The following PRKAR1A variants were observed in gnomAD, a reference collection of about 807,000 sequenced individuals.
The protein encoded by PRKAR1A is protein kinase cAMP-dependent type I regulatory subunit alpha, also known as cAMP-dependent protein kinase type I-alpha regulatory subunit.
A neutral mutation model predicts 52.0 loss-of-function variants in PRKAR1A; 3 were observed. The ratio of observed to expected loss-of-function variants is 0.06; its 90% CI spans 0.03 to 0.15. The LOEUF (loss-of-function observed/expected upper bound fraction) is 0.15. PRKAR1A is among the 10% of genes least tolerant of loss of function. The pLI is 1.00. For missense variants in PRKAR1A, 240 were observed against 477.4 expected, an observed-to-expected ratio of 0.50 and a Z score of 4.63; for synonymous variants, 188 against 168.4, an observed-to-expected ratio of 1.12 and a Z score of -0.90.
chr17:68,493,541 G>C, the PRKAR1A span: 2 of 151,762 alleles, frequency 1.3e-5, no homozygotes, highest in African/African-American at 4.8e-5. Flanking sequence ...TTCCCACTTT[G>C]TCTCCTTGCC....
chr17:68,515,032 C>T (rs2085385374), intron 1 of PRKAR1A: 1 of 312,106 alleles, frequency 3.2e-6, no homozygotes, highest in Non-Finnish European at 6.2e-6. Context: ...TACCGTTTAC[C>T]TACTTCCCAC....
At position 68,531,488 on chromosome 17, in the gene PRKAR1A, G is replaced by A; in HGVS notation, c.*1039G>A. The A allele has an allele frequency of 9.4e-7, 1 of 1,066,346 alleles. No individual in the cohort carries two copies. The highest frequency in any genetic ancestry group is 1.1e-6 in the Non-Finnish European group (1 of 879,638). The allele number at this position is 1,066,346 out of a possible 1,614,324, so 66.1% of individuals were successfully genotyped here. On this transcript the variant is annotated 3_prime_UTR_variant, in exon 11 of 11. Transcript: ENST00000589228. ...AGAAATGCCAGGCGGACAAAGTTCA[G>A]TGTCGGGAATTTTCCCCGTGACATT...
Position 68,530,734 on chromosome 17 carries a change from T to TAAA in PRKAR1A, c.*285_*286insAAA. ...CCCTGGGCAGTGAGTGCCATGCTTT[T>TAAA]TGGTGAGGGCAGATCCCAGCACCTA... On this transcript the variant is annotated 3_prime_UTR_variant, in exon 11 of 11. Transcript: ENST00000589228. 7.4e-7 allele frequency: 1 copy of TAAA among 1,348,586 alleles called. No individual in the cohort carries two copies. Among genetic ancestry groups the TAAA allele is most frequent in the African/African-American group, 1.5e-5 (1 of 68,566 alleles). The allele number at this position is 1,348,586 out of a possible 1,614,324, so 83.5% of individuals were successfully genotyped here.
chr17:68,540,496 T>C, intron 11 of PRKAR1A: 1 of 474,316 alleles, frequency 2.1e-6, no homozygotes, highest in South Asian at 1.5e-5. Flanking sequence ...GTCCGTGGCC[T>C]CGCCTGAGGC....
the PRKAR1A span, among the ~76,000 whole-genome samples, chr17:68,462,316 T>C: frequency 1.3e-5 from 2 of 152,246 alleles, no homozygotes; most frequent in South Asian, 4.1e-4. Flanking sequence ...CTTTTGCTAA[T>C]GTCCTTGGAG....
chr17:68,532,058 A>C lies in PRKAR1A; in HGVS notation c.*1609A>C, dbSNP rs2085989963. 9.4e-7 allele frequency: 1 copy of C among 1,065,296 alleles called. No individual in the cohort carries two copies. The highest frequency in any genetic ancestry group is 5.3e-5 in the Admixed American group (1 of 18,726). 66.0% of individuals were successfully genotyped at this position (1,065,296 alleles called of 1,614,324 possible). On this transcript the variant is annotated 3_prime_UTR_variant, in exon 11 of 11. Coordinates refer to ENST00000589228, the MANE Select transcript of PRKAR1A (RefSeq NM_002734.5). ...AACTTTTAGGTTGTTACCAAGTATG[A>C]AGTATAAATCTGGGGAAGAGGTTTT... is the stretch of plus-strand genomic sequence containing the variant.
At chr17:68,468,150 G>A in the PRKAR1A span, among the ~76,000 whole-genome samples, 10 of 152,102 alleles carry the variant, frequency 6.6e-5, 1 homozygote, top group East Asian at 1.9e-3. Context: ...TGGAGAGTGG[G>A]GCCAATCATG....
chr17:68,535,026 G>C, downstream of PRKAR1A: 1 of 322,648 alleles, frequency 3.1e-6, no homozygotes, highest in South Asian at 2.6e-5. Context: ...CTTTTGAGAA[G>C]GCTAAAACGA....
At chr17:68,438,115 G>T in the PRKAR1A span, among the ~76,000 whole-genome samples, 1 of 152,214 alleles carries the variant, frequency 6.6e-6, no homozygotes, top group South Asian at 2.1e-4. Flanking sequence ...AACATTTAGA[G>T]TTGGAACCTA....
the PRKAR1A span, among the ~76,000 whole-genome samples, chr17:68,455,145 T>TTCCA: frequency 6.6e-6 from 1 of 152,032 alleles, no homozygotes; most frequent in Non-Finnish European, 1.5e-5. Context: ...GTGGATCACT[T>TTCCA]GAGGTCAGGA....
the PRKAR1A span, among the ~76,000 whole-genome samples, chr17:68,504,618 T>C: frequency 6.6e-6 from 1 of 152,196 alleles, no homozygotes; most frequent in Non-Finnish European, 1.5e-5. Context: ...CTCACTTATT[T>C]GTGGGAGCTA....
Position 68,523,660 on chromosome 17 carries a change from C to T in PRKAR1A, c.349-65C>T, listed in dbSNP as rs990488093. 12 of 1,243,530 alleles carry T rather than the reference C, an allele frequency of 9.6e-6. No homozygotes were observed. In the Admixed American group the frequency reaches 1.7e-4, roughly 17 times the overall value. 77.0% of individuals were successfully genotyped at this position (1,243,530 alleles called of 1,614,324 possible). On this transcript the variant is annotated intron_variant, in intron 3 of 10. Transcript: ENST00000589228. ...TGTGGCTTGACATTTAATTGAAGCG[C>T]AGGTTGCAAACGTGAAATGTTTTTG...
chr17:68,486,371 ATTCTTTCTTTCTTTCTCT>A, the PRKAR1A span, among the ~76,000 whole-genome samples: 1 of 124,010 alleles, frequency 8.1e-6, no homozygotes, highest in South Asian at 2.5e-4. Flanking sequence ...TCTTCCTCTT[ATTCTTTCTTTCTTTCTCT>A]TTCTTTCTTT....
chr17:68,473,703 A>G, the PRKAR1A span, among the ~76,000 whole-genome samples: 36 of 152,002 alleles, frequency 2.4e-4, no homozygotes, highest in Non-Finnish European at 5.1e-4. Context: ...TTGTACTTTT[A>G]CTAGAGACGG....
At chr17:68,416,080 GTTTT>G in the PRKAR1A span, among the ~76,000 whole-genome samples, 2 of 151,922 alleles carry the variant, frequency 1.3e-5, no homozygotes, top group Non-Finnish European at 2.9e-5. Context: ...ATGTGCCTTG[GTTTT>G]TTTGTTTTTG....
the PRKAR1A span, among the ~76,000 whole-genome samples, chr17:68,464,962 G>C: frequency 6.8e-6 from 1 of 146,930 alleles, no homozygotes; most frequent in African/African-American, 2.5e-5. Context: ...GTCTTGCTCT[G>C]TTGCCCAGGC....
chr17:68,438,189 T>C, the PRKAR1A span, among the ~76,000 whole-genome samples: 3 of 152,178 alleles, frequency 2.0e-5, no homozygotes, highest in Non-Finnish European at 4.4e-5. Context: ...TCACTTGCCA[T>C]GCATAGCTAC....
At chr17:68,446,804 A>AT in the PRKAR1A span, among the ~76,000 whole-genome samples, 1 of 151,948 alleles carries the variant, frequency 6.6e-6, no homozygotes, top group South Asian at 2.1e-4. Context: ...TCTGATCTGC[A>AT]TTTTTTTCCC....
chr17:68,546,944 C>T (rs2086601562), intron 11 of PRKAR1A, among the ~76,000 whole-genome samples: 1 of 151,752 alleles, frequency 6.6e-6, no homozygotes, highest in Admixed American at 6.6e-5. Flanking sequence ...TCTCCTCGGA[C>T]ATCTCCAGCA....
Sources: gnomAD v4.1 joint callset for allele counts (sites outside exome capture counted in the v4.1 genomes callset) on GRCh38, gnomAD v4.1.1 for gene constraint, MANE v1.5 for transcripts, NCBI Gene and HGNC (gene_info 2026-07-23, HGNC 2026-07-21) for gene names.